The following GPC6 variants were observed in gnomAD, a reference collection of about 807,000 sequenced individuals.
The protein encoded by GPC6 is glypican 6.
Under a neutral mutation model 55.2 loss-of-function variants are expected in GPC6, and 14 were observed. The observed-to-expected ratio is 0.25, with a 90% CI of 0.17 to 0.40. GPC6 has a LOEUF of 0.40. Ranked by LOEUF, GPC6 falls within the 10% of genes least tolerant of loss-of-function variation. GPC6 has a pLI of 1.00. For synonymous variants in GPC6, 278 were observed against 259.6 expected, an observed-to-expected ratio of 1.07 and a Z score of -0.68; for missense variants, 641 against 708.5, an observed-to-expected ratio of 0.90 and a Z score of 1.08.
chr13:93,712,208 T>A (rs1269872684), intron 2 of GPC6, among the ~76,000 whole-genome samples: 1 of 151,712 alleles, frequency 6.6e-6, no homozygotes, highest in African/African-American at 2.4e-5. Flanking sequence ...ATTTATATAA[T>A]TTGCTCACCA....
At chr13:93,956,269 C>T (rs569562987) in intron 3 of GPC6, among the ~76,000 whole-genome samples, 6 of 152,084 alleles carry the variant, frequency 3.9e-5, no homozygotes, top group Non-Finnish European at 8.8e-5. Flanking sequence ...AAGCAAGGTA[C>T]ATAGTACATA....
intron 2 of GPC6, among the ~76,000 whole-genome samples, chr13:93,661,881 G>A (rs924687426): frequency 6.6e-6 from 1 of 152,152 alleles, no homozygotes; most frequent in Non-Finnish European, 1.5e-5. Context: ...GGAAGAAAAT[G>A]AGGGGCACTA....
At chr13:93,567,775 C>G (rs1876205989) in intron 2 of GPC6, among the ~76,000 whole-genome samples, 1 of 152,090 alleles carries the variant, frequency 6.6e-6, no homozygotes, top group Non-Finnish European at 1.5e-5. Flanking sequence ...TAGAATAAAA[C>G]TGTCATCTTA....
At chr13:93,556,053 A>C (rs1875447412) in intron 2 of GPC6, among the ~76,000 whole-genome samples, 1 of 152,168 alleles carries the variant, frequency 6.6e-6, no homozygotes, top group Admixed American at 6.6e-5. Flanking sequence ...CCGTCAAATA[A>C]TGACTTTTAT....
intron 3 of GPC6, among the ~76,000 whole-genome samples, chr13:94,007,106 A>G (rs1198191620): frequency 2.0e-5 from 3 of 152,168 alleles, no homozygotes; most frequent in African/African-American, 7.2e-5. Context: ...GACTTCCTAA[A>G]TCTTAGATCC....
At chr13:93,588,562 G>A (rs1357591761) in intron 2 of GPC6, among the ~76,000 whole-genome samples, 1 of 152,148 alleles carries the variant, frequency 6.6e-6, no homozygotes, top group African/African-American at 2.4e-5. Context: ...GAAAAAAAGA[G>A]ATTTAATTGA....
Position 93,494,077 on chromosome 13 carries a change from T to A in GPC6, c.161-51186T>A, listed in dbSNP as rs1429265893. ...CGCTGAGTTCAATTCCTGGGTATCC[T>A]TGTTGACTTTCTGTCTCGTTGATCT... On this transcript the variant is annotated intron_variant, in intron 1 of 8. Coordinates refer to ENST00000377047, the MANE Select transcript of GPC6 (RefSeq NM_005708.5). 2.1e-3 allele frequency among the ~76,000 whole-genome samples: 265 copies of A among 124,028 alleles called. 1 individual carries two copies. The highest frequency in any genetic ancestry group is 7.6e-3 in the African/African-American group (247 of 32,714). The allele number at this position is 124,028 out of a possible 152,430, so 81.4% of individuals were successfully genotyped here.
In GPC6 at chr13:94,383,040, A is replaced by G. The variant is rs572702532; in HGVS notation, c.1289+490A>G. ...CTGAGGGACACTGAGAAATGGTTCT[A>G]ATAGGCAACACACTTTGGGAAGTCC... On this transcript the variant is annotated intron_variant, in intron 7 of 8. Coordinates refer to ENST00000377047, the MANE Select transcript of GPC6 (RefSeq NM_005708.5). 1.7e-4 allele frequency among the ~76,000 whole-genome samples: 26 copies of G among 152,318 alleles called. No individual in the cohort carries two copies. In the South Asian group the frequency reaches 4.4e-3, roughly 26 times the overall value.
At chr13:93,231,399 A>ATATATG (rs1566533633) in intron 1 of GPC6, among the ~76,000 whole-genome samples, 7 of 33,224 alleles carry the variant, frequency 2.1e-4, no homozygotes, top group African/African-American at 1.2e-3. Flanking sequence ...ATATATATGT[A>ATATATG]TATATATATA....
At chr13:94,269,318 A>C (rs1462236778) in intron 4 of GPC6, among the ~76,000 whole-genome samples, 1 of 152,180 alleles carries the variant, frequency 6.6e-6, no homozygotes, top group Non-Finnish European at 1.5e-5. Context: ...CCCATGGTTA[A>C]AGTCCTGCTT....
intron 5 of GPC6, among the ~76,000 whole-genome samples, chr13:94,288,782 A>G (rs1874699987): frequency 1.3e-5 from 1 of 76,934 alleles, no homozygotes. Flanking sequence ...TATTTGTTAT[A>G]TATATAATAA....
intron 5 of GPC6, among the ~76,000 whole-genome samples, chr13:94,302,601 T>A (rs535159294): frequency 8.2e-5 from 12 of 145,668 alleles, no homozygotes; most frequent in South Asian, 2.1e-4. Flanking sequence ...AATACAAAAG[T>A]TTTTTTATCA....
chr13:94,059,241 C>T (rs376564372), intron 4 of GPC6, among the ~76,000 whole-genome samples: 9 of 151,264 alleles, frequency 5.9e-5, no homozygotes, highest in Admixed American at 2.0e-4. Flanking sequence ...AGTAATCAGA[C>T]GCTGTTATTT....
At chr13:93,272,538 A>C (rs964804632) in intron 1 of GPC6, among the ~76,000 whole-genome samples, 5 of 147,788 alleles carry the variant, frequency 3.4e-5, no homozygotes, top group African/African-American at 1.2e-4. Context: ...AAATGTTTGA[A>C]TGGTATGATT....
chr13:94,060,339 T>C (rs1449361985), intron 4 of GPC6, among the ~76,000 whole-genome samples: 1 of 152,172 alleles, frequency 6.6e-6, no homozygotes, highest in African/African-American at 2.4e-5. Flanking sequence ...ATAAGCTCCA[T>C]GAGTGGGAGG....
chr13:93,770,791 A>G (rs1165963620), intron 2 of GPC6, among the ~76,000 whole-genome samples: 2 of 152,098 alleles, frequency 1.3e-5, no homozygotes, highest in African/African-American at 4.8e-5. Flanking sequence ...CTAATATTAG[A>G]CCAAGACCCA....
intron 4 of GPC6, among the ~76,000 whole-genome samples, chr13:94,207,972 C>G (rs1433021067): frequency 1.3e-5 from 2 of 152,162 alleles, no homozygotes; most frequent in African/African-American, 2.4e-5. Flanking sequence ...AGATAAATTA[C>G]CAGCACCTCT....
intron 3 of GPC6, among the ~76,000 whole-genome samples, chr13:93,976,231 T>A (rs780803609): frequency 6.6e-6 from 1 of 152,134 alleles, no homozygotes; most frequent in Non-Finnish European, 1.5e-5. Flanking sequence ...TCATTTGTGA[T>A]GAAACTGTCA....
chr13:93,701,571 T>A, intron 2 of GPC6, among the ~76,000 whole-genome samples: 1 of 152,048 alleles, frequency 6.6e-6, no homozygotes, highest in East Asian at 1.9e-4. Flanking sequence ...CCTGTGTCAA[T>A]TAATTTTCAC....
Sources: allele counts gnomAD v4.1 joint callset (sites outside exome capture counted in the v4.1 genomes callset), GRCh38; gene constraint gnomAD v4.1.1; transcripts MANE v1.5; gene names NCBI Gene and HGNC (gene_info 2026-07-23, HGNC 2026-07-21).